CSGALNACT1: variants seen among roughly 807,000 people sequenced by gnomAD.
CSGALNACT1 encodes the protein beta4GalNAcT-1.
A neutral mutation model predicts 51.0 loss-of-function variants in CSGALNACT1; 52 were observed. That is an observed-to-expected ratio of 1.02 (90% confidence interval 0.82 to 1.29). CSGALNACT1 has a LOEUF of 1.29. Ranked by LOEUF, CSGALNACT1 falls within the 50% of genes most tolerant of loss-of-function variation. CSGALNACT1 has a pLI of 0.00. For missense variants in CSGALNACT1, 935 were observed against 679.2 expected, an observed-to-expected ratio of 1.38 and a Z score of -4.19; for synonymous variants, 341 against 254.4, an observed-to-expected ratio of 1.34 and a Z score of -3.24.
intron 1 of CSGALNACT1, among the ~76,000 whole-genome samples, chr8:19,708,448 T>A (rs2062310039): frequency 6.6e-6 from 1 of 152,152 alleles, no homozygotes; most frequent in Non-Finnish European, 1.5e-5. Context: ...ATGAGTAATA[T>A]ATTCACAGCG....
intron 1 of CSGALNACT1, among the ~76,000 whole-genome samples, chr8:19,621,125 T>C (rs80333795): frequency 0.023 from 3,490 of 152,280 alleles, 131 homozygotes; most frequent in African/African-American, 0.08. Context: ...AAGAAGTAAC[T>C]ACTGTATTTA....
chr8:19,639,865 A>AGTTTT (rs779472461), intron 1 of CSGALNACT1, among the ~76,000 whole-genome samples: 3 of 151,870 alleles, frequency 2.0e-5, no homozygotes, highest in Admixed American at 6.6e-5. Flanking sequence ...TTTTAAGAAC[A>AGTTTT]GTTTTGTTTT....
intron 1 of CSGALNACT1, among the ~76,000 whole-genome samples, chr8:19,717,381 T>C (rs1201111621): frequency 6.6e-6 from 1 of 152,210 alleles, no homozygotes; most frequent in African/African-American, 2.4e-5. Context: ...ATATCTTCTG[T>C]GGAGTACAGA....
intron 1 of CSGALNACT1, among the ~76,000 whole-genome samples, chr8:19,661,997 A>G (rs2058776047): frequency 6.7e-6 from 1 of 150,212 alleles, no homozygotes; most frequent in Non-Finnish European, 1.5e-5. Flanking sequence ...ATCCTGGGAT[A>G]AGAGCTGAGG....
intron 1 of CSGALNACT1, among the ~76,000 whole-genome samples, chr8:19,611,448 C>G (rs1224125007): frequency 6.6e-6 from 1 of 152,154 alleles, no homozygotes; most frequent in African/African-American, 2.4e-5. Context: ...AAACCACGCC[C>G]CAATCTAATG....
chr8:19,552,215 A>G (rs2088304826), intron 3 of CSGALNACT1, among the ~76,000 whole-genome samples: 2 of 152,222 alleles, frequency 1.3e-5, no homozygotes, highest in Non-Finnish European at 2.9e-5. Flanking sequence ...AAGAATTATT[A>G]TAGACACAAG....
rs372992517 is a variant in CSGALNACT1 at position 19,734,577 on chromosome 8, C to A, written c.-297+23273G>T. On this transcript the variant is annotated intron_variant, in intron 1 of 1. Coordinates refer to the CSGALNACT1 transcript ENST00000517494. Reference sequence around the variant, plus strand: ...GAATTATTCTTTGCACAAATAAACTCCACTAAATTTAACTTGTCTGAAGTT... The same window carrying A: ...GAATTATTCTTTGCACAAATAAACTACACTAAATTTAACTTGTCTGAAGTT... 1.5e-4 allele frequency among the ~76,000 whole-genome samples: 23 copies of A among 152,270 alleles called. No homozygotes were observed. The East Asian group carries it at 1.9e-3, about 13-fold the overall frequency.
chr8:19,682,419 G>T (rs990841062), intron 1 of CSGALNACT1: 1 of 335,800 alleles, frequency 3.0e-6, no homozygotes, highest in Non-Finnish European at 5.9e-6. Flanking sequence ...TCCCCAAACA[G>T]AAAGTTGCAG....
chr8:19,505,899 C>A, exon 4 of CSGALNACT1: 1 of 1,590,592 alleles, frequency 6.3e-7, no homozygotes, highest in Non-Finnish European at 8.5e-7. Context: ...CACGGAAGGG[C>A]TTCCCTGGGC....
chr8:19,492,231 C>G (rs1391141456), intron 4 of CSGALNACT1, among the ~76,000 whole-genome samples: 1 of 152,168 alleles, frequency 6.6e-6, no homozygotes, highest in Non-Finnish European at 1.5e-5. Context: ...GCACACAGCC[C>G]TCACAATGAG....
intron 1 of CSGALNACT1, among the ~76,000 whole-genome samples, chr8:19,669,554 C>T (rs537972794): frequency 6.0e-4 from 92 of 152,314 alleles, no homozygotes; most frequent in African/African-American, 2.1e-3. Context: ...CAGGTTCAAG[C>T]GATTCTCCTC....
chr8:19,584,346 T>C (rs2046202408), intron 3 of CSGALNACT1, among the ~76,000 whole-genome samples: 2 of 152,364 alleles, frequency 1.3e-5, no homozygotes, highest in South Asian at 4.1e-4. Flanking sequence ...ACTGGGCCTT[T>C]GCAAGTCTAT....
Position 19,458,416 on chromosome 8 carries a change from A to G in CSGALNACT1, c.851+10T>C. The G allele has an allele frequency of 6.2e-7, 1 of 1,612,428 alleles. No homozygotes were observed. The highest frequency in any genetic ancestry group is 1.7e-4 in the Middle Eastern group (1 of 6,058). ...TGCGGAGGAAGATAAACACGTGCGA[A>G]CAAACCAACCTGAAATTCTGCATGA... On this transcript the variant is annotated intron_variant, in intron 5 of 9. Transcript: ENST00000454498.
intron 4 of CSGALNACT1, among the ~76,000 whole-genome samples, chr8:19,490,232 C>T (rs2074060767): frequency 6.6e-6 from 1 of 152,170 alleles, no homozygotes; most frequent in African/African-American, 2.4e-5. Flanking sequence ...GACCAAGCTA[C>T]AGATGGAAGG....
intron 1 of CSGALNACT1, among the ~76,000 whole-genome samples, chr8:19,711,729 A>G (rs1481199680): frequency 1.3e-5 from 2 of 152,154 alleles, no homozygotes; most frequent in East Asian, 1.9e-4. Context: ...CATCATCCCA[A>G]TAATTCACTT....
intron 3 of CSGALNACT1, among the ~76,000 whole-genome samples, chr8:19,509,619 C>CT (rs1285661362): frequency 1.5e-3 from 112 of 72,894 alleles, no homozygotes; most frequent in Middle Eastern, 0.012. Flanking sequence ...AAGACTCTGT[C>CT]TCAAAAAAAA....
intron 9 of CSGALNACT1, among the ~76,000 whole-genome samples, chr8:19,407,621 G>C (rs541090149): frequency 2.6e-5 from 4 of 152,292 alleles, no homozygotes; most frequent in African/African-American, 9.6e-5. Context: ...CCTGCTGTGA[G>C]GCCTGGGAGG....
At chr8:19,713,960 G>A (rs2062658179) in intron 1 of CSGALNACT1, among the ~76,000 whole-genome samples, 1 of 152,200 alleles carries the variant, frequency 6.6e-6, no homozygotes, top group Non-Finnish European at 1.5e-5. Context: ...TGATCCTGCT[G>A]AAGACCTGTG....
chr8:19,558,883 T>C (rs914828446), intron 3 of CSGALNACT1, among the ~76,000 whole-genome samples: 4 of 152,184 alleles, frequency 2.6e-5, no homozygotes, highest in Non-Finnish European at 5.9e-5. Flanking sequence ...ATTTTTTCCA[T>C]GAAACAATTT....
Sources: gnomAD v4.1 joint callset for allele counts (sites outside exome capture counted in the v4.1 genomes callset) on GRCh38, gnomAD v4.1.1 for gene constraint, MANE v1.5 for transcripts, NCBI Gene and HGNC (gene_info 2026-07-23, HGNC 2026-07-21) for gene names.